The following FGGY variants were observed in gnomAD, a reference collection of about 807,000 sequenced individuals.
FGGY encodes FGGY carbohydrate kinase domain-containing protein.
A neutral mutation model predicts 71.3 loss-of-function variants in FGGY; 72 were observed. The ratio of observed to expected loss-of-function variants is 1.01; its 90% confidence interval spans 0.84 to 1.23. The LOEUF is 1.23. Ranked by LOEUF, FGGY falls within the 50% of genes most tolerant of loss-of-function variation. The pLI is 0.00. For synonymous variants in FGGY, 251 were observed against 250.3 expected (o/e 1.00, Z -0.02); for missense variants, 668 against 682.3 (o/e 0.98, Z 0.23).
At chr1:59,641,460 A>C in intron 11 of FGGY, 1 of 844,454 alleles carries the variant, frequency 1.2e-6, no homozygotes, top group South Asian at 1.6e-5. Context: ...GAAAACAGAA[A>C]AGTACCTATC....
Position 59,757,931 on chromosome 1 carries a change from G to A in FGGY, c.1513G>A (p.Glu505Lys), listed in dbSNP as rs1226438488. Residue 505 changes from glutamate to lysine, a missense_variant and splice_region_variant, in exon 15 of 16, where the codon GAA (glutamate) becomes AAA (lysine). Around this residue, in one of 2 missense-constraint regions of FGGY, gnomAD observed 661 missense variants for 661.6 expected, o/e 1.00. Coordinates refer to ENST00000303721, the MANE Select transcript of FGGY (RefSeq NM_018291.5). ...GTCTATGTTGTTTTCCATTTAATAG[G>A]AAGCAATGGCAAAAATGAGCAAAGT... is the stretch of plus-strand genomic sequence containing the variant. ...CASGDFASVQ[E>K]AMAKMSKVGK... 6 of 1,612,092 alleles carry A rather than the reference G, an allele frequency of 3.7e-6. No homozygotes were observed. The Admixed American group carries it at 6.7e-5, about 18-fold the overall frequency.
intron 6 of FGGY, among the ~76,000 whole-genome samples, chr1:59,480,511 T>C (rs971616042): frequency 1.3e-5 from 2 of 152,192 alleles, no homozygotes; most frequent in Non-Finnish European, 2.9e-5. Flanking sequence ...AGAACCGTAT[T>C]ACATACTACT....
In FGGY at chr1:59,504,550, G is replaced by A. The variant is rs1362407234; in HGVS notation, c.671-7761G>A. ...AATTAAGTGCTTGCTTGGTGGTTGG[G>A]AGAAACTCCTACACATTTAGTAACA... On this transcript the variant is annotated intron_variant, in intron 6 of 15. Coordinates refer to ENST00000303721, the MANE Select transcript of FGGY (RefSeq NM_018291.5). Among the ~76,000 whole-genome samples, 3 of 152,170 alleles carry A rather than the reference G, an allele frequency of 2.0e-5. No homozygotes were observed. In the East Asian group the frequency reaches 5.8e-4, roughly 29 times the overall value.
intron 6 of FGGY, among the ~76,000 whole-genome samples, chr1:59,508,537 G>A (rs2094447459): frequency 1.3e-5 from 2 of 152,198 alleles, no homozygotes; most frequent in East Asian, 3.9e-4. Context: ...AGGCACTAAT[G>A]TTTGCCTCTG....
At chr1:59,402,260 T>C (rs1418302308) in intron 5 of FGGY, among the ~76,000 whole-genome samples, 1 of 152,130 alleles carries the variant, frequency 6.6e-6, no homozygotes, top group Non-Finnish European at 1.5e-5. Context: ...GCTTGGGGTA[T>C]TGTGAAGGGA....
intron 8 of FGGY, among the ~76,000 whole-genome samples, chr1:59,584,562 C>G (rs974777217): frequency 6.7e-6 from 1 of 150,028 alleles, no homozygotes; most frequent in African/African-American, 2.5e-5. Context: ...CAGCCAATAT[C>G]ATACTGAATG....
intron 12 of FGGY, 133 bp downstream of exon 12, chr1:59,660,426 T>C (rs1216518196): frequency 8.2e-6 from 5 of 606,684 alleles, no homozygotes. Context: ...AAAAAAGAGA[T>C]TCTTGTATGT....
At chr1:59,518,767 G>A (rs2094734803) in intron 7 of FGGY, among the ~76,000 whole-genome samples, 1 of 152,160 alleles carries the variant, frequency 6.6e-6, no homozygotes, top group South Asian at 2.1e-4. Flanking sequence ...CTCCCCAGAA[G>A]CCGAGCAGAC....
At chr1:59,394,632 A>G (rs932842962) in intron 5 of FGGY, among the ~76,000 whole-genome samples, 12 of 152,206 alleles carry the variant, frequency 7.9e-5, no homozygotes, top group Non-Finnish European at 1.5e-4. Context: ...TATAAGACCT[A>G]GGCAAATGGA....
chr1:59,338,636 T>C (rs1570605996), intron 2 of FGGY, among the ~76,000 whole-genome samples: 1 of 152,110 alleles, frequency 6.6e-6, no homozygotes, highest in Non-Finnish European at 1.5e-5. Context: ...TTTTTTGACT[T>C]CACACCGCCA....
At chr1:59,748,578 A>G (rs3990361) in intron 14 of FGGY, among the ~76,000 whole-genome samples, 43,750 of 151,992 alleles carry the variant, frequency 0.29, 6,808 homozygotes, top group East Asian at 0.41. Context: ...ATGAGATGAG[A>G]CTGGAGACAT....
At chr1:59,592,794 G>T (rs1223958904) in intron 8 of FGGY, among the ~76,000 whole-genome samples, 16 of 138,226 alleles carry the variant, frequency 1.2e-4, no homozygotes, top group Non-Finnish European at 2.4e-4. Flanking sequence ...GTGGGGTGGG[G>T]GGACGGGGGA....
At chr1:59,661,912 G>C (rs948583751) in intron 12 of FGGY, among the ~76,000 whole-genome samples, 2 of 150,648 alleles carry the variant, frequency 1.3e-5, no homozygotes, top group African/African-American at 4.9e-5. Flanking sequence ...GTAGAGATGG[G>C]GTTTCACCAT....
intron 5 of FGGY, among the ~76,000 whole-genome samples, chr1:59,428,839 A>G (rs2066842887): frequency 6.6e-6 from 1 of 152,218 alleles, no homozygotes; most frequent in South Asian, 2.1e-4. Context: ...AGTGGACCAC[A>G]TGGCAGCATT....
chr1:59,537,504 C>G (rs1365767612), intron 7 of FGGY, among the ~76,000 whole-genome samples: 2 of 151,900 alleles, frequency 1.3e-5, no homozygotes, highest in African/African-American at 2.4e-5. Context: ...CTACTTTAAA[C>G]TTCATATGGA....
intron 14 of FGGY, among the ~76,000 whole-genome samples, chr1:59,685,329 G>A (rs2097535883): frequency 6.6e-6 from 1 of 151,926 alleles, no homozygotes; most frequent in Non-Finnish European, 1.5e-5. Context: ...GACTCACCAG[G>A]GAGCATTAGC....
intron 7 of FGGY, among the ~76,000 whole-genome samples, chr1:59,518,573 T>C (rs1361884449): frequency 6.6e-6 from 1 of 152,210 alleles, no homozygotes; most frequent in Non-Finnish European, 1.5e-5. Flanking sequence ...TGGTGGTGGA[T>C]TTCTCATGAA....
rs532048156 is a variant in FGGY, at chr1:59,584,254, G to C, written c.904-23549G>C. ...TAGACCAATATCCCTGATGAACATC[G>C]ATGCAAAAATCCTCAATAAAATACT... On this transcript the variant is annotated intron_variant, in intron 8 of 15. Coordinates refer to ENST00000303721, the MANE Select transcript of FGGY (RefSeq NM_018291.5). Among the ~76,000 whole-genome samples, 5 of 149,488 alleles carry C rather than the reference G, an allele frequency of 3.3e-5. 2 individuals are homozygous for C. The highest frequency in any genetic ancestry group is 1.3e-4 in the African/African-American group (5 of 39,374).
intron 8 of FGGY, among the ~76,000 whole-genome samples, chr1:59,572,047 G>A (rs1356454031): frequency 3.3e-5 from 5 of 152,150 alleles, no homozygotes; most frequent in Non-Finnish European, 7.4e-5. Context: ...AGAGCTTGAG[G>A]GAACTAGCAT....
Sources: gnomAD v4.1 joint callset for allele counts (sites outside exome capture counted in the v4.1 genomes callset) on GRCh38, gnomAD v4.1.1 for gene constraint, gnomAD v4.1.1 regional missense constraint, MANE v1.5 for transcripts, NCBI Gene and HGNC (gene_info 2026-07-23, HGNC 2026-07-21) for gene names.